LAMB1: variants seen among roughly 807,000 people sequenced by gnomAD.
LAMB1 encodes the protein laminin subunit beta 1.
LAMB1 carries 121 observed loss-of-function variants against 222.3 expected under a neutral mutation model. The ratio of observed to expected loss-of-function variants is 0.54; its 90% CI spans 0.47 to 0.63. LAMB1 has a LOEUF of 0.63. Ranked by LOEUF, LAMB1 falls within the 30% of genes least tolerant of loss-of-function variation. The pLI is 0.00. For synonymous variants in LAMB1, 794 were observed against 807.2 expected, an observed-to-expected ratio of 0.98 and a Z score of 0.28; for missense variants, 2,172 against 2,240.8, an observed-to-expected ratio of 0.97 and a Z score of 0.62.
At chr7:107,990,046 TTTTG>T (rs950344632) in intron 5 of LAMB1, among the ~76,000 whole-genome samples, 2 of 151,924 alleles carry the variant, frequency 1.3e-5, no homozygotes, top group African/African-American at 4.8e-5. Flanking sequence ...TGTTTGTTTG[TTTTG>T]TTTTTTGAGA....
chr7:107,977,800 A>G (rs2033897545), intron 9 of LAMB1, among the ~76,000 whole-genome samples: 1 of 152,186 alleles, frequency 6.6e-6, no homozygotes, highest in Non-Finnish European at 1.5e-5. Context: ...TGTCAAGGAC[A>G]GCACCTTAGT....
intron 5 of LAMB1, among the ~76,000 whole-genome samples, chr7:107,987,675 A>G (rs1173407065): frequency 6.6e-6 from 1 of 152,006 alleles, no homozygotes; most frequent in East Asian, 1.9e-4. Flanking sequence ...TAATTTTTCT[A>G]TTTTTTAGTA....
chr7:107,941,932 C>T (rs1308793717), intron 24 of LAMB1, among the ~76,000 whole-genome samples: 1 of 145,906 alleles, frequency 6.9e-6, no homozygotes, highest in Admixed American at 7.1e-5. Flanking sequence ...CTGCCTTGGC[C>T]TCCCAAAGTG....
rs780867243 is a variant in LAMB1 at position 108,001,740 on chromosome 7, G to A, written c.38-7C>T. The A allele has an allele frequency of 2.5e-6, 4 of 1,612,316 alleles. No homozygotes were observed. The Admixed American group carries it at 5.0e-5, about 20-fold the overall frequency. ...ACTCGGGCTCTGCACAGGGCTGCGG[G>A]AAGGACAGGCAACAGAGTTGGGGGG... On this transcript the variant is annotated splice_polypyrimidine_tract_variant and splice_region_variant and intron_variant, in intron 2 of 33. Coordinates refer to ENST00000222399, the MANE Select transcript of LAMB1 (RefSeq NM_002291.3).
chr7:107,947,537 A>G (rs1315858403), intron 24 of LAMB1, among the ~76,000 whole-genome samples: 3 of 152,212 alleles, frequency 2.0e-5, no homozygotes, highest in Admixed American at 6.5e-5. Context: ...CAGCACAAAC[A>G]TAACCAAGAG....
intron 24 of LAMB1, among the ~76,000 whole-genome samples, chr7:107,946,999 A>G (rs992564456): frequency 6.6e-6 from 1 of 152,086 alleles, no homozygotes; most frequent in South Asian, 2.1e-4. Flanking sequence ...CCTTTTTGCT[A>G]TCTATGAATC....
Position 107,935,545 on chromosome 7 carries a change from C to T in LAMB1, c.4058G>A (p.Arg1353Lys), listed in dbSNP as rs1314537467. ...NSTVEQSALM[R>K]DRVEDVMMER... ...CATCATCACGTCTTCTACTCTGTCTCTCATGAGGGCTGACTGCTCCACAGT... is the reference window on the plus strand; with the variant it reads ...CATCATCACGTCTTCTACTCTGTCTTTCATGAGGGCTGACTGCTCCACAGT... Residue 1353 changes from arginine (R) to lysine (K), a missense_variant, in exon 27 of 34, where the codon AGA becomes AAA. Transcript: ENST00000222399. 12 of 1,613,784 alleles carry T rather than the reference C, an allele frequency of 7.4e-6. No individual in the cohort carries two copies. The highest frequency in any genetic ancestry group is 1.0e-5 in the Non-Finnish European group (12 of 1,180,002).
At chr7:107,949,072 CTTCTG>C in intron 24 of LAMB1, among the ~76,000 whole-genome samples, 1 of 152,214 alleles carries the variant, frequency 6.6e-6, no homozygotes, top group South Asian at 2.1e-4. Flanking sequence ...GCTGACCTTT[CTTCTG>C]GATGAAAGGA....
At chr7:107,970,381 G>A (rs909360531) in intron 13 of LAMB1, among the ~76,000 whole-genome samples, 6 of 151,578 alleles carry the variant, frequency 4.0e-5, no homozygotes, top group South Asian at 2.1e-4. Flanking sequence ...CCAACTACTC[G>A]GGAGGCTGAG....
At position 108,002,876 on chromosome 7, in the gene LAMB1, G is replaced by A; in HGVS notation, c.10C>T (p.Leu4Phe). 3 of 1,614,172 alleles carry A rather than the reference G, an allele frequency of 1.9e-6. No individual in the cohort carries two copies. Among genetic ancestry groups the A allele is most frequent in the Non-Finnish European group, 2.5e-6 (3 of 1,180,024 alleles). MGLLQLLAFSFLAL... is the reference protein window; with the variant it reads MGLFQLLAFSFLAL... ...AAGAAACTGAAAGCTAGCAACTGGA[G>A]AAGCCCCATGCCGGCTCCCTGCAGC... Residue 4 changes from leucine to phenylalanine, a missense_variant, in exon 2 of 34, where the codon CTC becomes TTC. Transcript: ENST00000222399.
rs185377550 is a variant in LAMB1 at position 107,933,796 on chromosome 7, G to C, written c.4189-1419C>G. Among the ~76,000 whole-genome samples the C allele has an allele frequency of 5.0e-3, 763 of 152,280 alleles. 4 individuals carry two copies. Among genetic ancestry groups the C allele is most frequent in the Admixed American group, 0.01 (159 of 15,302 alleles). On this transcript the variant is annotated intron_variant, in intron 27 of 33. Transcript: ENST00000222399. The stretch of plus-strand genomic sequence containing the variant: ...GAACTGAAGCAGCTGCTAATCCCTA[G>C]GTAGTTTACCAGGTGGAAAAGCAAG...
intron 13 of LAMB1, among the ~76,000 whole-genome samples, chr7:107,970,733 A>T (rs887492839): frequency 6.2e-5 from 9 of 145,980 alleles, no homozygotes; most frequent in Admixed American, 4.8e-4. Flanking sequence ...AGGTCTTATT[A>T]TTTTTTTTTT....
intron 20 of LAMB1, among the ~76,000 whole-genome samples, chr7:107,957,936 T>C (rs969374099): frequency 4.6e-5 from 7 of 152,148 alleles, no homozygotes; most frequent in Non-Finnish European, 1.0e-4. Context: ...CCTTTACAAA[T>C]AAAATCCAAA....
chr7:107,961,644 T>G lies in LAMB1; in HGVS notation c.1890A>C (p.Thr630=). The change falls in exon 16 of 34, where the codon ACA becomes ACC. Residue 630 remains threonine (T), a synonymous_variant. Coordinates refer to ENST00000222399, the MANE Select transcript of LAMB1 (RefSeq NM_002291.3). ...LPDHWEKAVI[T]VQRPGRIPTS... ...TTGGAATCCTTCCAGGTCGCTGCAC[T>G]GTGATGACAGCTTTTTCCCAGTGGT... is the stretch of plus-strand genomic sequence containing the variant. 1 of 1,613,904 alleles carries G rather than the reference T, an allele frequency of 6.2e-7. No homozygotes were observed.
In LAMB1 at chr7:107,940,252, C is replaced by T. The variant is rs778237047; in HGVS notation, c.3498G>A (p.Thr1166=). The change falls in exon 25 of 34, where the codon ACG becomes ACA. Residue 1166 remains threonine (T), a synonymous_variant. Transcript: ENST00000222399. ...CAGGGAAGACCCCCGAGTACCCTCG[C>T]GTGCACTTGTCACAGCGTGGACCCT... ...GVEGPRCDKC[T]RGYSGVFPDC... is the part of the protein sequence containing the mutation. 3.5e-5 allele frequency: 57 copies of T among 1,614,222 alleles called. No homozygotes were observed. The highest frequency in any genetic ancestry group is 1.8e-4 in the Admixed American group (11 of 60,028).
At chr7:107,980,475 G>T (rs1473881640) in intron 8 of LAMB1, 134 bp downstream of exon 8, 1 of 679,772 alleles carries the variant, frequency 1.5e-6, no homozygotes, top group Non-Finnish European at 2.5e-6. Context: ...TACCTGTATG[G>T]TGCAAAGGGC....
chr7:107,950,927 T>G (rs1169797970), intron 24 of LAMB1, among the ~76,000 whole-genome samples: 2 of 73,020 alleles, frequency 2.7e-5, no homozygotes, highest in Non-Finnish European at 5.5e-5. Context: ...ATTTGTGGTG[T>G]GTGTGTGTGT....
At chr7:107,934,719 CTG>C (rs1168735358) in intron 27 of LAMB1, among the ~76,000 whole-genome samples, 1 of 152,038 alleles carries the variant, frequency 6.6e-6, no homozygotes, top group Non-Finnish European at 1.5e-5. Flanking sequence ...TAGAATGACT[CTG>C]AATTCCTACA....
chr7:108,000,191 C>T (rs1198745249), intron 3 of LAMB1, among the ~76,000 whole-genome samples: 1 of 124,400 alleles, frequency 8.0e-6, no homozygotes, highest in Non-Finnish European at 1.6e-5. Context: ...GAACAATCAC[C>T]AGAACTCAAA....
Sources: allele counts gnomAD v4.1 joint callset (sites outside exome capture counted in the v4.1 genomes callset), GRCh38; gene constraint gnomAD v4.1.1; transcripts MANE v1.5; gene names NCBI Gene and HGNC (gene_info 2026-07-23, HGNC 2026-07-21).